Variants in PRDM11 observed in about 807,000 individuals in gnomAD.
The protein encoded by PRDM11 is PR/SET domain 11, also known as PR domain-containing protein 11.
A neutral mutation model predicts 97.8 loss-of-function variants in PRDM11; 20 were observed. That is an observed-to-expected ratio of 0.20 (90% CI 0.14 to 0.30). The LOEUF (loss-of-function observed/expected upper bound fraction) is 0.30. Ranked by LOEUF, PRDM11 falls within the 10% of genes least tolerant of loss-of-function variation. The pLI, the probability that PRDM11 is intolerant of heterozygous loss-of-function variation, is 1.00. For missense variants in PRDM11, 1,139 were observed against 1,555.2 expected (o/e 0.73, Z 4.50); for synonymous variants, 599 against 637.7 (o/e 0.94, Z 0.91).
At chr11:45,153,324 G>A (rs547702493) in intron 1 of PRDM11, among the ~76,000 whole-genome samples, 3 of 152,272 alleles carry the variant, frequency 2.0e-5, no homozygotes, top group Non-Finnish European at 4.4e-5. Context: ...GTGGGCCCCA[G>A]GTTCAGTCCT....
At position 45,227,157 on chromosome 11, in the gene PRDM11, G is replaced by A; in HGVS notation, c.2532G>A (p.Glu844=). The part of the protein sequence containing the change: ...VLNALIKDYL[E]VVAHLKEVSS... ...ACGCTCTCATCAAGGACTACCTGGA[G>A]GTGGTGGCCCATCTCAAGGAGGTCA... The change falls in exon 8 of 8, where the codon GAG becomes GAA. Residue 844 remains glutamate, a synonymous_variant. Transcript: ENST00000683152. This position sits in a 1 kb window ranked among gnomAD's most constrained non-coding sequence, Gnocchi z 8.0. 6.5e-7 allele frequency: 1 copy of A among 1,533,990 alleles called. No individual in the cohort carries two copies.
At chr11:45,159,577 C>T (rs576800926) in intron 1 of PRDM11, among the ~76,000 whole-genome samples, 2 of 152,308 alleles carry the variant, frequency 1.3e-5, no homozygotes, top group East Asian at 3.9e-4. Flanking sequence ...ACCCACATGT[C>T]CTGACTCTCC....
intron 1 of PRDM11, among the ~76,000 whole-genome samples, chr11:45,164,807 G>A (rs957773313): frequency 6.6e-6 from 1 of 152,144 alleles, no homozygotes; most frequent in Admixed American, 6.5e-5. Flanking sequence ...CTTCTTGGGG[G>A]CCCAGCTTCT....
intron 1 of PRDM11, among the ~76,000 whole-genome samples, chr11:45,130,923 G>A (rs1852704205): frequency 6.6e-6 from 1 of 152,142 alleles, no homozygotes; most frequent in South Asian, 2.1e-4. Flanking sequence ...ATACATTAGA[G>A]TACACATGTC....
At chr11:45,095,663 T>G (rs1295783507), upstream of PRDM11, 1 of 611,930 alleles carries the variant, frequency 1.6e-6, no homozygotes. Flanking sequence ...GCAATAGAAC[T>G]GCAACCCCTG....
chr11:45,222,197 T>C (rs1391034967), intron 6 of PRDM11, among the ~76,000 whole-genome samples: 1 of 152,216 alleles, frequency 6.6e-6, no homozygotes. Flanking sequence ...GTTTTCTTTG[T>C]TTTTGTTTTC....
chr11:45,118,138 T>C (rs1852344241), intron 1 of PRDM11, among the ~76,000 whole-genome samples: 1 of 152,136 alleles, frequency 6.6e-6, no homozygotes, highest in African/African-American at 2.4e-5. Context: ...AAGAAGTCTT[T>C]GAAATTGCCA....
At chr11:45,161,542 G>A (rs909305094) in intron 1 of PRDM11, among the ~76,000 whole-genome samples, 1 of 152,230 alleles carries the variant, frequency 6.6e-6, no homozygotes, top group Non-Finnish European at 1.5e-5. Context: ...TTTCCCGGCT[G>A]TCAATGAGGT....
chr11:45,222,252 G>A (rs897746698), intron 6 of PRDM11, among the ~76,000 whole-genome samples: 2 of 152,128 alleles, frequency 1.3e-5, no homozygotes, highest in Admixed American at 6.5e-5. Flanking sequence ...ATGCTTAAAG[G>A]TCTCTTTTGG....
intron 1 of PRDM11, among the ~76,000 whole-genome samples, chr11:45,108,297 C>T (rs111826405): frequency 3.9e-5 from 6 of 152,322 alleles, no homozygotes; most frequent in East Asian, 3.9e-4. Flanking sequence ...TGGCCTCTTA[C>T]GTGGGATCCC....
intron 6 of PRDM11, 47 bp from the exon 7 acceptor site, chr11:45,224,170 A>G (rs1854196513): frequency 5.3e-6 from 8 of 1,523,760 alleles, no homozygotes; most frequent in South Asian, 1.3e-5. Flanking sequence ...GGTTTCTCCA[A>G]TTTGGGGGTT....
intron 5 of PRDM11, among the ~76,000 whole-genome samples, chr11:45,206,691 T>G (rs1853524657): frequency 1.3e-5 from 2 of 152,190 alleles, no homozygotes; most frequent in African/African-American, 4.8e-5. Context: ...GATTGTGACT[T>G]AATTGGGCTG....
At chr11:45,225,088 A>T (rs1244327763) in intron 7 of PRDM11, 1 of 1,436,312 alleles carries the variant, frequency 7.0e-7, no homozygotes, top group African/African-American at 1.4e-5. Context: ...GTTCCGCTGC[A>T]GAAGGGGTGT....
intron 5 of PRDM11, among the ~76,000 whole-genome samples, chr11:45,210,368 T>C (rs1479320586): frequency 6.6e-6 from 1 of 152,136 alleles, no homozygotes; most frequent in African/African-American, 2.4e-5. Context: ...GAGGCGGGTG[T>C]CCCTTGGGGC....
intron 5 of PRDM11, among the ~76,000 whole-genome samples, chr11:45,210,069 G>C (rs975806772): frequency 6.6e-6 from 1 of 152,208 alleles, no homozygotes; most frequent in African/African-American, 2.4e-5. Flanking sequence ...GCGCGGGGGA[G>C]GGGGCTGGAG....
intron 1 of PRDM11, 35 bp from the exon 2 acceptor site, chr11:45,181,726 C>A: frequency 6.4e-7 from 1 of 1,573,592 alleles, no homozygotes; most frequent in Non-Finnish European, 8.7e-7. Context: ...TTCTTTGATC[C>A]TCTTCCTGTG....
At chr11:45,099,697 ATTC>A (rs1340645153) in intron 1 of PRDM11, among the ~76,000 whole-genome samples, 14 of 152,178 alleles carry the variant, frequency 9.2e-5, no homozygotes, top group African/African-American at 3.4e-4. Flanking sequence ...TCAAGCATTT[ATTC>A]TTTGTGTTAT....
intron 4 of PRDM11, among the ~76,000 whole-genome samples, chr11:45,197,017 G>C (rs1853146848): frequency 1.3e-5 from 2 of 151,062 alleles, no homozygotes; most frequent in African/African-American, 5.0e-5. Flanking sequence ...GCAGATCACA[G>C]CCAGCTTTAG....
intron 1 of PRDM11, among the ~76,000 whole-genome samples, chr11:45,174,777 A>G (rs563492907): frequency 2.0e-4 from 31 of 152,358 alleles, no homozygotes; most frequent in African/African-American, 7.5e-4. Context: ...CAAAAAGAAG[A>G]AAACAGAAAT....
Sources: gnomAD v4.1 joint callset for allele counts (sites outside exome capture counted in the v4.1 genomes callset) on GRCh38, gnomAD v4.1.1 for gene constraint, Gnocchi (gnomAD v3.1) non-coding constraint, MANE v1.5 for transcripts, NCBI Gene and HGNC (gene_info 2026-07-23, HGNC 2026-07-21) for gene names.